Variants in DNAH9 observed in about 807,000 individuals in gnomAD.
The protein encoded by DNAH9 is DNAH9 variant protein.
In DNAH9, 345 loss-of-function variants were observed where a neutral mutation model predicts 471.6. The observed-to-expected ratio is 0.73, with a 90% CI of 0.67 to 0.80. The LOEUF (loss-of-function observed/expected upper bound fraction) is 0.80. DNAH9 is among the 30% of genes least tolerant of loss of function. The pLI, the probability that DNAH9 is intolerant of heterozygous loss-of-function variation, is 0.00. For missense variants in DNAH9, 5,407 were observed against 5,609.2 expected (o/e 0.96, Z 1.15); for synonymous variants, 2,093 against 2,123.6 (o/e 0.99, Z 0.40).
intron 59 of DNAH9, among the ~76,000 whole-genome samples, chr17:11,896,780 T>TA (rs1444060410): frequency 1.3e-5 from 2 of 152,226 alleles, no homozygotes; most frequent in Non-Finnish European, 2.9e-5. Context: ...ATAGCTGCAT[T>TA]AAAAAATGTT....
chr17:11,943,142 C>T (rs1974998170), intron 67 of DNAH9, among the ~76,000 whole-genome samples: 1 of 151,864 alleles, frequency 6.6e-6, no homozygotes, highest in South Asian at 2.1e-4. Context: ...AATCCACCCG[C>T]CTCAGCCTCC....
intron 49 of DNAH9, among the ~76,000 whole-genome samples, chr17:11,851,282 A>C (rs940590557): frequency 1.3e-5 from 2 of 152,086 alleles, no homozygotes; most frequent in African/African-American, 4.8e-5. Flanking sequence ...ACACCTAGCT[A>C]ATCTTTGTAT....
intron 31 of DNAH9, 121 bp downstream of exon 31, chr17:11,745,205 T>C: frequency 1.2e-6 from 1 of 816,450 alleles, no homozygotes; most frequent in Non-Finnish European, 2.0e-6. Flanking sequence ...ATCTAGTTAG[T>C]AATAACTCAA....
intron 26 of DNAH9, among the ~76,000 whole-genome samples, chr17:11,706,702 A>G (rs1294931526): frequency 1.3e-5 from 2 of 152,196 alleles, no homozygotes; most frequent in African/African-American, 2.4e-5. Flanking sequence ...CCAGGTGTCC[A>G]TGAAATTGTA....
chr17:11,889,498 T>C (rs1489986152), intron 57 of DNAH9, among the ~76,000 whole-genome samples: 1 of 152,124 alleles, frequency 6.6e-6, no homozygotes, highest in East Asian at 1.9e-4. Context: ...CCCCCCTAGA[T>C]TGGCATGTGC....
intron 26 of DNAH9, among the ~76,000 whole-genome samples, chr17:11,713,055 A>C (rs547456474): frequency 6.6e-6 from 1 of 151,590 alleles, no homozygotes; most frequent in South Asian, 2.1e-4. Context: ...TCCTTCCCTC[A>C]CCCACCCCAC....
intron 29 of DNAH9, 61 bp from the exon 30 acceptor site, chr17:11,742,114 A>C: frequency 6.6e-7 from 1 of 1,523,904 alleles, no homozygotes; most frequent in Non-Finnish European, 9.0e-7. Context: ...ATTTTCTTGC[A>C]GTCTCCTCTT....
chr17:11,619,562 C>T lies in DNAH9; in HGVS notation c.1131C>T (p.Leu377=). 6.2e-7 allele frequency: 1 copy of T among 1,612,230 alleles called. No homozygotes were observed. Among genetic ancestry groups the T allele is most frequent in the Non-Finnish European group, 8.5e-7 (1 of 1,178,288 alleles). ...NLLIQQASNY[L]SPEDLLRSEV... is the part of the protein sequence containing the mutation. Reference sequence around the variant, plus strand: ...TTGTATACCAGGCCTCTAATTATCTCAGCCCAGAAGACCTGCTGAGAAGTG... The same window carrying T: ...TTGTATACCAGGCCTCTAATTATCTTAGCCCAGAAGACCTGCTGAGAAGTG... The change falls in exon 6 of 69, where the codon CTC becomes CTT. Residue 377 remains leucine, a synonymous_variant. Transcript: ENST00000262442.
At chr17:11,791,780 C>T (rs1051489873) in intron 41 of DNAH9, among the ~76,000 whole-genome samples, 9 of 152,108 alleles carry the variant, frequency 5.9e-5, no homozygotes, top group Non-Finnish European at 2.9e-5. Context: ...TACATAAAGG[C>T]TCTGTGAGGC....
At chr17:11,603,692 C>G (rs2072435404) in intron 1 of DNAH9, among the ~76,000 whole-genome samples, 1 of 152,172 alleles carries the variant, frequency 6.6e-6, no homozygotes, top group African/African-American at 2.4e-5. Flanking sequence ...TTATGACCCC[C>G]TTCATAGCAG....
Position 11,876,735 on chromosome 17 carries a change from T to G in DNAH9, c.10478+1551T>G, listed in dbSNP as rs187114390. On this transcript the variant is annotated intron_variant, in intron 53 of 68. Coordinates refer to ENST00000262442, the MANE Select transcript of DNAH9 (RefSeq NM_001372.4). Reference sequence around the variant, plus strand: ...TTTTTGTTTGTTTGTTTGTTTGTTTTTTGAGACGGAGTCTCACTCTGTCAC... The same window carrying G: ...TTTTTGTTTGTTTGTTTGTTTGTTTGTTGAGACGGAGTCTCACTCTGTCAC... Among the ~76,000 whole-genome samples, 4 of 152,236 alleles carry G rather than the reference T, an allele frequency of 2.6e-5. No individual in the cohort carries two copies. In the East Asian group the frequency reaches 7.7e-4, roughly 29 times the overall value.
At chr17:11,678,874 T>C (rs2074089691) in intron 17 of DNAH9, among the ~76,000 whole-genome samples, 1 of 152,138 alleles carries the variant, frequency 6.6e-6, no homozygotes, top group African/African-American at 2.4e-5. Context: ...TACTTATGTG[T>C]GATGTTTTCA....
intron 68 of DNAH9, among the ~76,000 whole-genome samples, chr17:11,964,807 T>C (rs1387648846): frequency 2.0e-5 from 3 of 152,128 alleles, no homozygotes; most frequent in African/African-American, 7.2e-5. Flanking sequence ...TGGAAACCAC[T>C]GGAAGGGGCA....
At chr17:11,665,563 A>T (rs1262313869) in intron 15 of DNAH9, among the ~76,000 whole-genome samples, 1 of 152,232 alleles carries the variant, frequency 6.6e-6, no homozygotes, top group East Asian at 1.9e-4. Flanking sequence ...CTTTGAATTT[A>T]TAGTGGATAA....
At chr17:11,634,682 C>A (rs987915539) in intron 8 of DNAH9, among the ~76,000 whole-genome samples, 30 of 152,210 alleles carry the variant, frequency 2.0e-4, no homozygotes, top group Non-Finnish European at 3.7e-4. Flanking sequence ...CAATGGAAGG[C>A]TTTTTAGCAC....
In DNAH9 at chr17:11,719,494, C is replaced by T; in HGVS notation, c.5709+4C>T. 1 of 1,607,544 alleles carries T rather than the reference C, an allele frequency of 6.2e-7. No individual in the cohort carries two copies. The highest frequency in any genetic ancestry group is 1.3e-5 in the African/African-American group (1 of 74,896). Reference sequence around the variant, plus strand: ...CTCGGAGCAGATGGATTACAAGGTACAGTTCCACCCGGCTTCCTGGGGGTG... The same window carrying T: ...CTCGGAGCAGATGGATTACAAGGTATAGTTCCACCCGGCTTCCTGGGGGTG... On this transcript the variant is annotated splice_donor_region_variant and intron_variant, in intron 27 of 68. Coordinates refer to ENST00000262442, the MANE Select transcript of DNAH9 (RefSeq NM_001372.4).
chr17:11,915,561 A>G lies in DNAH9; in HGVS notation c.11750-8253A>G, dbSNP rs117051696. On this transcript the variant is annotated intron_variant, in intron 61 of 68. Transcript: ENST00000262442. ...CAAACACACACAAACAAACAAAACA[A>G]AAAACTTTCTAGTGACTTCCCACTG... 1.1e-3 allele frequency among the ~76,000 whole-genome samples: 164 copies of G among 151,950 alleles called. 1 individual carries two copies. In the East Asian group the frequency reaches 0.031, roughly 29 times the overall value.
At chr17:11,680,687 C>T (rs1193048796) in intron 18 of DNAH9, 36 bp from the exon 19 acceptor site, 3 of 1,603,090 alleles carry the variant, frequency 1.9e-6, no homozygotes, top group South Asian at 2.2e-5. Flanking sequence ...GAAAGAGCAC[C>T]TTGGGAATCT....
intron 41 of DNAH9, among the ~76,000 whole-genome samples, chr17:11,788,944 A>G (rs1449330229): frequency 6.6e-6 from 1 of 152,128 alleles, no homozygotes; most frequent in East Asian, 1.9e-4. Context: ...TTTAATTATG[A>G]ATATGTGTTG....
Sources: allele counts gnomAD v4.1 joint callset (sites outside exome capture counted in the v4.1 genomes callset), GRCh38; gene constraint gnomAD v4.1.1; transcripts MANE v1.5; gene names NCBI Gene and HGNC (gene_info 2026-07-23, HGNC 2026-07-21).